SIPA1L1: variants seen among roughly 807,000 people sequenced by gnomAD.
SIPA1L1 encodes signal induced proliferation associated 1 like 1.
A neutral mutation model predicts 162.7 loss-of-function variants in SIPA1L1; 26 were observed. That is an observed-to-expected ratio of 0.16 (90% CI 0.12 to 0.22). The LOEUF is 0.22. Among genes scored for constraint, SIPA1L1 ranks in the 10% least tolerant of loss-of-function variants. SIPA1L1 has a pLI of 1.00. For missense variants in SIPA1L1, 1,874 were observed against 2,241.0 expected (o/e 0.84, Z 3.31); for synonymous variants, 829 against 837.4 (o/e 0.99, Z 0.17).
At chr14:71,500,199 G>T (rs1016107303) in intron 2 of SIPA1L1, among the ~76,000 whole-genome samples, 5 of 152,078 alleles carry the variant, frequency 3.3e-5, no homozygotes, top group Non-Finnish European at 5.9e-5. Context: ...AAAAAGGCAA[G>T]TTACAGAGTG....
chr14:71,329,990 A>T (rs1242197463), intron 2 of SIPA1L1, among the ~76,000 whole-genome samples: 2 of 152,202 alleles, frequency 1.3e-5, no homozygotes, highest in Non-Finnish European at 2.9e-5. Flanking sequence ...GGCCAGTCAG[A>T]TAGAAAATCC....
At chr14:71,720,114 C>A (rs1228531434) in intron 17 of SIPA1L1, among the ~76,000 whole-genome samples, 1 of 152,034 alleles carries the variant, frequency 6.6e-6, no homozygotes, top group Non-Finnish European at 1.5e-5. Flanking sequence ...TAATATATGC[C>A]TTGAAGTAGT....
At chr14:71,325,962 A>G (rs1045391551) in intron 2 of SIPA1L1, among the ~76,000 whole-genome samples, 3 of 152,136 alleles carry the variant, frequency 2.0e-5, no homozygotes, top group Admixed American at 6.5e-5. Flanking sequence ...GGGAGGGAGA[A>G]TTGCTGGTTC....
At chr14:71,466,021 A>G (rs1307900339) in intron 2 of SIPA1L1, among the ~76,000 whole-genome samples, 6 of 152,136 alleles carry the variant, frequency 3.9e-5, no homozygotes, top group Non-Finnish European at 8.8e-5. Context: ...CACTGACTCA[A>G]ATGTTAATCT....
chr14:71,628,392 T>A (rs185185691), intron 7 of SIPA1L1, among the ~76,000 whole-genome samples: 8 of 152,312 alleles, frequency 5.3e-5, no homozygotes, highest in African/African-American at 1.7e-4. Flanking sequence ...GTTGAAGAAA[T>A]AGGAGCTGTT....
chr14:71,528,067 T>G (rs1244892885), intron 3 of SIPA1L1, among the ~76,000 whole-genome samples: 1 of 152,194 alleles, frequency 6.6e-6, no homozygotes, highest in Non-Finnish European at 1.5e-5. Context: ...CTTTCCCTTT[T>G]GAATATTAAA....
At chr14:71,491,812 A>ACACACACG (rs1555437349) in intron 2 of SIPA1L1, among the ~76,000 whole-genome samples, 1 of 115,986 alleles carries the variant, frequency 8.6e-6, no homozygotes, top group Non-Finnish European at 1.9e-5. Flanking sequence ...ACACACACAC[A>ACACACACG]CCCCTTCCCC....
chr14:71,634,159 G>T (rs1392248343), intron 7 of SIPA1L1, among the ~76,000 whole-genome samples: 4 of 152,046 alleles, frequency 2.6e-5, no homozygotes, highest in Non-Finnish European at 4.4e-5. Context: ...CCAGCACTTT[G>T]GGAGGCAGAG....
chr14:71,568,524 CT>C (rs77788562), intron 4 of SIPA1L1, among the ~76,000 whole-genome samples: 18,195 of 152,060 alleles, frequency 0.12, 1,489 homozygotes, highest in East Asian at 0.41. Flanking sequence ...ATAGTTCCTC[CT>C]TGGTTCGCTA....
At chr14:71,650,590 CA>C (rs1243385003) in intron 8 of SIPA1L1, 81 bp downstream of exon 8, 1 of 1,321,384 alleles carries the variant, frequency 7.6e-7, no homozygotes. Context: ...ATCCGTAAAG[CA>C]ACATTGCCAT....
chr14:71,710,537 G>T lies in SIPA1L1; in HGVS notation c.4208+873G>T, dbSNP rs150233226. Among the ~76,000 whole-genome samples the T allele has an allele frequency of 2.0e-4, 30 of 152,318 alleles. No individual in the cohort carries two copies. In the East Asian group the frequency reaches 5.4e-3, roughly 27 times the overall value. ...AGAAAAATAGTAGAGGCTGGGCGTG[G>T]TGGCTCACGCCTGTAATCCCAGCAC... On this transcript the variant is annotated intron_variant, in intron 17 of 23. Transcript: ENST00000381232.
intron 8 of SIPA1L1, among the ~76,000 whole-genome samples, chr14:71,651,012 A>G (rs2042574353): frequency 6.6e-6 from 1 of 152,150 alleles, no homozygotes; most frequent in Admixed American, 6.5e-5. Context: ...CTCTGAGAAA[A>G]TAGGCTTTTT....
chr14:71,322,702 G>A (rs749755405), intron 2 of SIPA1L1, among the ~76,000 whole-genome samples: 10 of 152,184 alleles, frequency 6.6e-5, no homozygotes, highest in Non-Finnish European at 1.5e-4. Flanking sequence ...GAGATTTGGG[G>A]GATGAATGGC....
chr14:71,613,554 C>T (rs1286869374), intron 5 of SIPA1L1, among the ~76,000 whole-genome samples: 1 of 152,080 alleles, frequency 6.6e-6, no homozygotes, highest in East Asian at 1.9e-4. Context: ...GAAGCTTTAT[C>T]CACTCTACTT....
chr14:71,349,517 T>C (rs148044526), intron 2 of SIPA1L1, among the ~76,000 whole-genome samples: 209 of 152,310 alleles, frequency 1.4e-3, no homozygotes, highest in Non-Finnish European at 2.5e-3. Flanking sequence ...GTGTTTTCAT[T>C]TGTTTTCCCT....
chr14:71,642,216 C>T (rs2041784102), intron 7 of SIPA1L1, among the ~76,000 whole-genome samples: 1 of 152,078 alleles, frequency 6.6e-6, no homozygotes, highest in Non-Finnish European at 1.5e-5. Flanking sequence ...TGAGGTGAAC[C>T]CTAAGATTGC....
At chr14:71,573,299 T>A (rs1041776191) in intron 4 of SIPA1L1, among the ~76,000 whole-genome samples, 2 of 152,242 alleles carry the variant, frequency 1.3e-5, no homozygotes, top group African/African-American at 4.8e-5. Flanking sequence ...CGTCTCAGTG[T>A]TTGTTTTACC....
chr14:71,437,422 C>T (rs191878944), intron 2 of SIPA1L1, among the ~76,000 whole-genome samples: 147 of 152,194 alleles, frequency 9.7e-4, no homozygotes, highest in African/African-American at 3.5e-3. Flanking sequence ...GGCTGGAGTC[C>T]AGTAGCATGA....
chr14:71,648,287 C>T (rs896811649), intron 7 of SIPA1L1, among the ~76,000 whole-genome samples: 1 of 152,174 alleles, frequency 6.6e-6, no homozygotes, highest in African/African-American at 2.4e-5. Flanking sequence ...CGAAGCGAAA[C>T]TCCATCTCAA....
Sources: allele counts gnomAD v4.1 joint callset (sites outside exome capture counted in the v4.1 genomes callset), GRCh38; gene constraint gnomAD v4.1.1; transcripts MANE v1.5; gene names NCBI Gene and HGNC (gene_info 2026-07-23, HGNC 2026-07-21).